The following ZC2HC1B variants were observed in gnomAD, a reference collection of about 807,000 sequenced individuals.
The protein encoded by ZC2HC1B is zinc finger C2HC domain-containing protein 1B.
In ZC2HC1B, 36 loss-of-function variants were observed where a neutral mutation model predicts 31.0. The ratio of observed to expected loss-of-function variants is 1.16; its 90% CI spans 0.89 to 1.54. The LOEUF is 1.54. Among genes scored for constraint, ZC2HC1B ranks in the 40% most tolerant of loss-of-function variants. The pLI is 0.00. For missense variants in ZC2HC1B, 260 were observed against 268.6 expected (o/e 0.97, Z 0.22); for synonymous variants, 73 against 88.0 (o/e 0.83, Z 0.95).
chr6:143,865,918 C>T lies in ZC2HC1B; in HGVS notation c.28+1351C>T, dbSNP rs1472392507. On this transcript the variant is annotated intron_variant, in intron 1 of 7. Transcript: ENST00000237275. The surrounding 1 kb of genome is among the most constrained non-coding windows in gnomAD (Gnocchi z 4.4). ...GCAACCTCCAACTCCCGGGTTCAGG[C>T]GATTCCCCTGCCTCAGCCTCCCGAG... Among the ~76,000 whole-genome samples the T allele has an allele frequency of 2.0e-5, 3 of 152,164 alleles. No individual in the cohort carries two copies. Among genetic ancestry groups the T allele is most frequent in the Non-Finnish European group, 4.4e-5 (3 of 68,036 alleles).
In ZC2HC1B at chr6:143,885,956, G is replaced by C; in HGVS notation, c.91-76G>C. 1 of 1,395,480 alleles carries C rather than the reference G, an allele frequency of 7.2e-7. No homozygotes were observed. Among genetic ancestry groups the C allele is most frequent in the Non-Finnish European group, 9.4e-7 (1 of 1,067,476 alleles). 86.4% of individuals were successfully genotyped at this position (1,395,480 alleles called of 1,614,324 possible). A position where few individuals can be genotyped will look rare whatever the true frequency, so the allele number is the denominator to read the frequency against. On this transcript the variant is annotated intron_variant, in intron 2 of 7. Transcript: ENST00000237275. This position sits in a 1 kb window ranked among gnomAD's most constrained non-coding sequence, Gnocchi z 4.2. ...AGCAAACATAGTCCCTGGAGTGGGG[G>C]CTGTCTAGGTACACCTAGGCATTAA...
At chr6:143,919,704 C>G (rs1409815432) in intron 6 of ZC2HC1B, among the ~76,000 whole-genome samples, 2 of 152,200 alleles carry the variant, frequency 1.3e-5, no homozygotes, top group African/African-American at 4.8e-5. Context: ...GTGCAGAGCT[C>G]TGCCACACAG....
intron 6 of ZC2HC1B, among the ~76,000 whole-genome samples, chr6:143,931,274 T>G (rs1208430772): frequency 2.0e-5 from 3 of 152,218 alleles, no homozygotes; most frequent in African/African-American, 7.2e-5. Flanking sequence ...TTCTTTACCT[T>G]TTAAGTGAAG....
intron 1 of ZC2HC1B, chr6:143,881,611 C>T (rs1412105876): frequency 6.8e-6 from 1 of 147,554 alleles, no homozygotes; most frequent in Non-Finnish European, 1.5e-5. Context: ...GAGCAGTATT[C>T]CAGGCTATAG....
chr6:143,879,473 T>G (rs1054232246), intron 1 of ZC2HC1B, among the ~76,000 whole-genome samples: 9 of 152,202 alleles, frequency 5.9e-5, no homozygotes, highest in African/African-American at 2.2e-4. Flanking sequence ...ATAAATTTTA[T>G]TGGTAAGTTG....
Position 143,919,217 on chromosome 6 carries a change from C to CTGTGTGTGTGTGTGTG in ZC2HC1B, c.598+16099_598+16114dup, listed in dbSNP as rs71024878. Reference sequence around the variant, plus strand: ...TCCCTTCTGCAGGGTTTGCTATTCTCTGTGTGTGTGTGTGTGTGTGTGTGT... The same window carrying CTGTGTGTGTGTGTGTG: ...TCCCTTCTGCAGGGTTTGCTATTCTCTGTGTGTGTGTGTGTGTGTGTGTGTGTGTGTGTGTGTGTGT... On this transcript the variant is annotated intron_variant, in intron 6 of 7. Coordinates refer to ENST00000237275, the MANE Select transcript of ZC2HC1B (RefSeq NM_001013623.3). Among the ~76,000 whole-genome samples the CTGTGTGTGTGTGTGTG allele has an allele frequency of 1.2e-4, 15 of 123,698 alleles. No homozygotes were observed. In the East Asian group the frequency reaches 4.2e-3, roughly 35 times the overall value. 81.2% of individuals were successfully genotyped at this position (123,698 alleles called of 152,430 possible). A position where few individuals can be genotyped will look rare whatever the true frequency, so the allele number is the denominator to read the frequency against.
At position 143,886,022 on chromosome 6, in the gene ZC2HC1B, C is replaced by T. The variant is rs532136218; in HGVS notation, c.91-10C>T. Reference sequence around the variant, plus strand: ...TTTAGAAATTCCAATCCCTACTCTTCGTTTTCTAGGAAAGGCATGGACCAA... The same window carrying T: ...TTTAGAAATTCCAATCCCTACTCTTTGTTTTCTAGGAAAGGCATGGACCAA... On this transcript the variant is annotated splice_polypyrimidine_tract_variant and intron_variant, in intron 2 of 7. Transcript: ENST00000237275. This position sits in a 1 kb window ranked among gnomAD's most constrained non-coding sequence, Gnocchi z 4.2. The T allele has an allele frequency of 1.3e-4, 204 of 1,515,232 alleles. 1 individual carries two copies. The African/African-American group carries it at 2.5e-3, about 18-fold the overall frequency. 93.9% of individuals were successfully genotyped at this position (1,515,232 alleles called of 1,614,324 possible). A position where few individuals can be genotyped will look rare whatever the true frequency, so the allele number is the denominator to read the frequency against.
At chr6:143,906,848 A>G (rs1252181529) in intron 6 of ZC2HC1B, among the ~76,000 whole-genome samples, 2 of 151,822 alleles carry the variant, frequency 1.3e-5, no homozygotes, top group African/African-American at 2.4e-5. Flanking sequence ...ATAGGTAAGC[A>G]TGTGCTACGG....
intron 1 of ZC2HC1B, among the ~76,000 whole-genome samples, chr6:143,881,307 T>C (rs1292165914): frequency 6.6e-6 from 1 of 152,000 alleles, no homozygotes; most frequent in Non-Finnish European, 1.5e-5. Flanking sequence ...TCCCAATACT[T>C]TGGGAGGCCA....
chr6:143,868,703 A>G lies in ZC2HC1B; in HGVS notation c.28+4136A>G, dbSNP rs1777300661. Among the ~76,000 whole-genome samples the G allele has an allele frequency of 6.6e-6, 1 of 152,142 alleles. No individual in the cohort carries two copies. The highest frequency in any genetic ancestry group is 1.5e-5 in the Non-Finnish European group (1 of 68,022). ...CTCTTGTCAACTTCAACCCATACCC[A>G]TCTCCTGAGATCATACATAATCTTC... On this transcript the variant is annotated intron_variant, in intron 1 of 7. Transcript: ENST00000237275. This position sits in a 1 kb window ranked among gnomAD's most constrained non-coding sequence, Gnocchi z 4.2.
rs974544021 is a variant in ZC2HC1B, at chr6:143,869,838, T to A, written c.28+5271T>A. On this transcript the variant is annotated intron_variant, in intron 1 of 7. Coordinates refer to ENST00000237275, the MANE Select transcript of ZC2HC1B (RefSeq NM_001013623.3). This position sits in a 1 kb window ranked among gnomAD's most constrained non-coding sequence, Gnocchi z 5.2. ...ATGTTGCTGAGTCCATGCATAACCT[T>A]CATTCCTGCCACCATGGCCACTTTG... Among the ~76,000 whole-genome samples, 7 of 152,156 alleles carry A rather than the reference T, an allele frequency of 4.6e-5. No individual in the cohort carries two copies. Among genetic ancestry groups the A allele is most frequent in the African/African-American group, 1.7e-4 (7 of 41,438 alleles).
At chr6:143,893,976 G>A (rs1041783763) in intron 4 of ZC2HC1B, among the ~76,000 whole-genome samples, 7 of 152,094 alleles carry the variant, frequency 4.6e-5, no homozygotes, top group Non-Finnish European at 8.8e-5. Flanking sequence ...GTGAGCCACC[G>A]CGCCCGGCCT....
Position 143,865,185 on chromosome 6 carries a change from C to T in ZC2HC1B, c.28+618C>T, listed in dbSNP as rs2128492624. ...AAATGAATTTTCTGATATCTTGGTTCTCTAAAAATCTATAAATGATGATTG... is the reference window on the plus strand; with the variant it reads ...AAATGAATTTTCTGATATCTTGGTTTTCTAAAAATCTATAAATGATGATTG... On this transcript the variant is annotated intron_variant, in intron 1 of 7. Coordinates refer to ENST00000237275, the MANE Select transcript of ZC2HC1B (RefSeq NM_001013623.3). The surrounding 1 kb of genome is among the most constrained non-coding windows in gnomAD (Gnocchi z 4.4). 6.6e-6 allele frequency among the ~76,000 whole-genome samples: 1 copy of T among 152,258 alleles called. No homozygotes were observed. The highest frequency in any genetic ancestry group is 2.1e-4 in the South Asian group (1 of 4,830).
At position 143,900,222 on chromosome 6, in the gene ZC2HC1B, T is replaced by C. The variant is rs147927295; in HGVS notation, c.489+1531T>C. ...CTGACCAACATGGAGAAACCCCGTC[T>C]CTACTAAAAATACAAAATCAGCCGT... On this transcript the variant is annotated intron_variant, in intron 5 of 7. Coordinates refer to ENST00000237275, the MANE Select transcript of ZC2HC1B (RefSeq NM_001013623.3). Among the ~76,000 whole-genome samples the C allele has an allele frequency of 2.0e-3, 309 of 151,830 alleles. 7 individuals are homozygous for C. The East Asian group carries it at 0.039, about 19-fold the overall frequency.
In ZC2HC1B at chr6:143,911,066, A is replaced by G; in HGVS notation, c.598+7914A>G. On this transcript the variant is annotated intron_variant, in intron 6 of 7. Coordinates refer to ENST00000237275, the MANE Select transcript of ZC2HC1B (RefSeq NM_001013623.3). The surrounding 1 kb of genome is among the most constrained non-coding windows in gnomAD (Gnocchi z 4.5). ...CTGCGCCCAGCCCTTTGTTGGTTTA[A>G]AGCCTGTTTTGTCAGAAACTAGGAT... 6.6e-6 allele frequency among the ~76,000 whole-genome samples: 1 copy of G among 152,086 alleles called. No homozygotes were observed. Among genetic ancestry groups the G allele is most frequent in the East Asian group, 1.9e-4 (1 of 5,184 alleles).
rs547093385 is a variant in ZC2HC1B, at chr6:143,869,778, G to A, written c.28+5211G>A. On this transcript the variant is annotated intron_variant, in intron 1 of 7. Transcript: ENST00000237275. This position sits in a 1 kb window ranked among gnomAD's most constrained non-coding sequence, Gnocchi z 5.2. ...CTGGCAAATTGGGCACTCAGCAGTG[G>A]CTGTAGTCAGGTCAGCTTTGGTGAG... 5.8e-4 allele frequency among the ~76,000 whole-genome samples: 88 copies of A among 152,310 alleles called. No homozygotes were observed. Among genetic ancestry groups the A allele is most frequent in the Non-Finnish European group, 5.1e-4 (35 of 68,028 alleles).
At chr6:143,926,520 C>T (rs1212361416) in intron 6 of ZC2HC1B, among the ~76,000 whole-genome samples, 2 of 151,664 alleles carry the variant, frequency 1.3e-5, no homozygotes, top group Admixed American at 6.6e-5. Context: ...AGACTTGCTT[C>T]GTGGCCTAGC....
At position 143,911,534 on chromosome 6, in the gene ZC2HC1B, T is replaced by G. The variant is rs1021104029; in HGVS notation, c.598+8382T>G. On this transcript the variant is annotated intron_variant, in intron 6 of 7. Transcript: ENST00000237275. This position sits in a 1 kb window ranked among gnomAD's most constrained non-coding sequence, Gnocchi z 4.5. ...TTTCTCCTTTGCTTATGAAGCTTAG[T>G]TTGACTGGATATGAAATTCTGGGTT... Among the ~76,000 whole-genome samples, 7 of 152,340 alleles carry G rather than the reference T, an allele frequency of 4.6e-5. No individual in the cohort carries two copies. Among genetic ancestry groups the G allele is most frequent in the Non-Finnish European group, 1.0e-4 (7 of 68,032 alleles).
Position 143,899,538 on chromosome 6 carries a change from G to A in ZC2HC1B, c.489+847G>A, listed in dbSNP as rs1777709303. 6.6e-6 allele frequency among the ~76,000 whole-genome samples: 1 copy of A among 152,158 alleles called. No homozygotes were observed. Among genetic ancestry groups the A allele is most frequent in the South Asian group, 2.1e-4 (1 of 4,826 alleles). On this transcript the variant is annotated intron_variant, in intron 5 of 7. Coordinates refer to ENST00000237275, the MANE Select transcript of ZC2HC1B (RefSeq NM_001013623.3). This position sits in a 1 kb window ranked among gnomAD's most constrained non-coding sequence, Gnocchi z 5.0. ...CTACAGGTGCATAGCACCACGCCCA[G>A]CTAATTTTTTGTATTTTTAGTAGAG... is the stretch of plus-strand genomic sequence containing the variant.
Sources: gnomAD v4.1 joint callset for allele counts (sites outside exome capture counted in the v4.1 genomes callset) on GRCh38, gnomAD v4.1.1 for gene constraint, Gnocchi (gnomAD v3.1) non-coding constraint, MANE v1.5 for transcripts, NCBI Gene and HGNC (gene_info 2026-07-23, HGNC 2026-07-21) for gene names.